Variants in CIMIP2A observed in about 807,000 individuals in gnomAD.
The protein encoded by CIMIP2A is family with sequence similarity 166 member A.
chr9:137,245,486 G>A, the CIMIP2A span: 16 of 1,613,718 alleles, frequency 9.9e-6, no homozygotes, highest in Non-Finnish European at 1.4e-5. Flanking sequence ...TCTACCCCTG[G>A]CGGCTCCTGG....
the CIMIP2A span, chr9:137,245,656 T>C: frequency 1.2e-6 from 2 of 1,606,990 alleles, no homozygotes; most frequent in Non-Finnish European, 1.7e-6. Context: ...GTGGGGGATG[T>C]AGGGCTCCGT....
chr9:137,244,023 A>C, the CIMIP2A span: 2 of 915,636 alleles, frequency 2.2e-6, no homozygotes, highest in Admixed American at 2.1e-5. Flanking sequence ...GGTAGGGAGG[A>C]TGGCAGACAA....
At chr9:137,244,331 G>C in the CIMIP2A span, 1 of 1,611,582 alleles carries the variant, frequency 6.2e-7, no homozygotes, top group Non-Finnish European at 8.5e-7. Context: ...TCCCCGGCAG[G>C]CAAACAGATA....
At chr9:137,243,752 C>T in the CIMIP2A span, 12 of 1,614,116 alleles carry the variant, frequency 7.4e-6, no homozygotes, top group Non-Finnish European at 9.3e-6. Flanking sequence ...CCTCCGGGTG[C>T]TGTTGCCGAA....
the CIMIP2A span, among the ~76,000 whole-genome samples, chr9:137,254,383 G>A: frequency 1.0e-5 from 1 of 95,432 alleles, no homozygotes; most frequent in Non-Finnish European, 2.6e-5. Flanking sequence ...TTGGGAGCTC[G>A]GCCCGGCTTG....
the CIMIP2A span, chr9:137,244,327 G>A: frequency 6.2e-7 from 1 of 1,611,984 alleles, no homozygotes; most frequent in East Asian, 2.2e-5. Flanking sequence ...TCCCTCCCCG[G>A]CAGGCAAACA....
At chr9:137,252,824 C>G in the CIMIP2A span, 1 of 1,569,004 alleles carries the variant, frequency 6.4e-7, no homozygotes. Context: ...GTCCCTGCTT[C>G]AGGCCTCTTT....
At chr9:137,252,809 C>T in the CIMIP2A span, 1 of 1,565,904 alleles carries the variant, frequency 6.4e-7, no homozygotes, top group Non-Finnish European at 8.7e-7. Flanking sequence ...CAGGGTGCAG[C>T]CCCAGTCCCT....
the CIMIP2A span, chr9:137,251,542 C>T: frequency 3.0e-5 from 28 of 943,044 alleles, no homozygotes; most frequent in Non-Finnish European, 4.1e-5. Flanking sequence ...CGGCTGGGAG[C>T]GGCCAGGGGC....
the CIMIP2A span, among the ~76,000 whole-genome samples, chr9:137,249,527 T>TA: frequency 1.3e-5 from 2 of 152,124 alleles, no homozygotes; most frequent in African/African-American, 4.8e-5. Flanking sequence ...GCGGGGGACT[T>TA]TTACCTCCTG....
At chr9:137,247,527 C>T in the CIMIP2A span, 6 of 820,796 alleles carry the variant, frequency 7.3e-6, no homozygotes, top group Non-Finnish European at 1.2e-5. Context: ...CTGCAGTGCC[C>T]CGTGGTGTGG....
chr9:137,244,845 T>C, the CIMIP2A span: 2 of 1,566,516 alleles, frequency 1.3e-6, no homozygotes, highest in Non-Finnish European at 8.6e-7. Flanking sequence ...TCCCTTTCGT[T>C]CCCTGAACGT....
chr9:137,245,576 CTG>C, the CIMIP2A span: 1 of 1,613,694 alleles, frequency 6.2e-7, no homozygotes, highest in East Asian at 2.2e-5. Context: ...ACAGGGCAGC[CTG>C]TGAGTGCCGG....
the CIMIP2A span, chr9:137,247,695 G>T: frequency 6.2e-7 from 1 of 1,613,412 alleles, no homozygotes; most frequent in Non-Finnish European, 8.5e-7. Flanking sequence ...TGAAGAGATC[G>T]TGTTTCTGAG....
the CIMIP2A span, chr9:137,251,831 C>T: frequency 3.7e-6 from 6 of 1,606,466 alleles, no homozygotes; most frequent in Non-Finnish European, 5.1e-6. Flanking sequence ...CAGTTGGCCT[C>T]AGGTTACAGA....
the CIMIP2A span, chr9:137,244,468 C>G: frequency 6.7e-7 from 1 of 1,499,774 alleles, no homozygotes. Context: ...CCAAGCAAGA[C>G]TCAGGAGAGA....
chr9:137,244,705 C>A, the CIMIP2A span: 1 of 1,613,498 alleles, frequency 6.2e-7, no homozygotes, highest in South Asian at 1.1e-5. Flanking sequence ...ACCCCATTAC[C>A]CAGGTGAAAC....
the CIMIP2A span, chr9:137,252,876 A>G: frequency 1.3e-6 from 2 of 1,590,474 alleles, no homozygotes; most frequent in East Asian, 2.3e-5. Context: ...AACACCTACA[A>G]TATCCTTCCT....
At chr9:137,251,401 C>A in the CIMIP2A span, 2 of 1,604,076 alleles carry the variant, frequency 1.2e-6, no homozygotes, top group Non-Finnish European at 1.7e-6. Context: ...CACCCAGTAA[C>A]TGGCGGAGAG....
Sources: allele counts gnomAD v4.1 joint callset (sites outside exome capture counted in the v4.1 genomes callset), GRCh38; gene constraint gnomAD v4.1.1; transcripts MANE v1.5; gene names NCBI Gene and HGNC (gene_info 2026-07-23, HGNC 2026-07-21).